CFAP97: variants seen among roughly 807,000 people sequenced by gnomAD.
The protein encoded by CFAP97 is cilia and flagella associated protein 97, also known as cilia- and flagella-associated protein 97.
A neutral mutation model predicts 43.1 loss-of-function variants in CFAP97; 36 were observed. That is an observed-to-expected ratio of 0.84 (90% CI 0.64 to 1.10). The LOEUF is 1.10. Ranked by LOEUF, CFAP97 falls within the 50% of genes least tolerant of loss-of-function variation. The pLI is 0.00. For synonymous variants in CFAP97, 228 were observed against 225.7 expected (o/e 1.01, Z -0.09); for missense variants, 657 against 620.3 (o/e 1.06, Z -0.63).
At chr4:185,187,353 T>C (rs1351922349) in intron 2 of CFAP97, among the ~76,000 whole-genome samples, 1 of 152,062 alleles carries the variant, frequency 6.6e-6, no homozygotes, top group East Asian at 1.9e-4. Context: ...TATTTGGAAA[T>C]TCCAACAAGA....
At chr4:185,186,266 C>T (rs1024911168) in intron 2 of CFAP97, among the ~76,000 whole-genome samples, 1 of 152,080 alleles carries the variant, frequency 6.6e-6, no homozygotes, top group African/African-American at 2.4e-5. Flanking sequence ...AACCCCGTCT[C>T]TACTAAAAAT....
In CFAP97 at chr4:185,161,953, G is replaced by A. The variant is rs1734887681; in HGVS notation, c.*845C>T. 1 of 152,074 alleles carries A rather than the reference G, an allele frequency of 6.6e-6. No individual in the cohort carries two copies. The allele number at this position is 152,074 out of a possible 1,614,324, so 9.4% of individuals were successfully genotyped here. A position where few individuals can be genotyped will look rare whatever the true frequency, so the allele number is the denominator to read the frequency against. On this transcript the variant is annotated 3_prime_UTR_variant, in exon 5 of 5. Transcript: ENST00000458385. ...GACACACCTCAGGATCTGCTTCTCG[G>A]CTCTTCATGCTGATAGTGCCATTTT...
chr4:185,164,783 T>C (rs1735004026), intron 3 of CFAP97, among the ~76,000 whole-genome samples: 1 of 152,238 alleles, frequency 6.6e-6, no homozygotes, highest in South Asian at 2.1e-4. Flanking sequence ...TAAGTTGAAA[T>C]AAAATACACT....
chr4:185,183,515 G>T (rs1287069272), intron 2 of CFAP97, among the ~76,000 whole-genome samples: 1 of 152,214 alleles, frequency 6.6e-6, no homozygotes, highest in Non-Finnish European at 1.5e-5. Context: ...GCACAAGCCT[G>T]GCTCTGCATT....
In CFAP97 at chr4:185,162,469, T is replaced by C. The variant is rs1482353508; in HGVS notation, c.*329A>G. ...TGAAAATAACACAAATTGAAAACTA[T>C]AGTGACCATCTTGGGTACGACATGC... On this transcript the variant is annotated 3_prime_UTR_variant, in exon 5 of 5. Coordinates refer to ENST00000458385, the MANE Select transcript of CFAP97 (RefSeq NM_020827.3). 1 of 289,174 alleles carries C rather than the reference T, an allele frequency of 3.5e-6. No individual in the cohort carries two copies. Among genetic ancestry groups the C allele is most frequent in the Non-Finnish European group, 6.6e-6 (1 of 151,882 alleles). The allele number at this position is 289,174 out of a possible 1,614,324, so 17.9% of individuals were successfully genotyped here.
At chr4:185,203,345 A>G (rs1736996909) in intron 1 of CFAP97, among the ~76,000 whole-genome samples, 1 of 152,230 alleles carries the variant, frequency 6.6e-6, no homozygotes, top group Non-Finnish European at 1.5e-5. Flanking sequence ...TACACAGAAA[A>G]GCACCGGGCA....
rs938432304 is a variant in CFAP97, at chr4:185,169,668, T to C, written c.1321-5489A>G. On this transcript the variant is annotated intron_variant, in intron 3 of 4. Transcript: ENST00000458385. ...GTTTAAACAAATGTAAACAAATAAA[T>C]GTCTTAATGATTTCTGCAGCCGTTA... 31 of 985,406 alleles carry C rather than the reference T, an allele frequency of 3.1e-5. No homozygotes were observed. In the African/African-American group the frequency reaches 5.1e-4, roughly 16 times the overall value. 61.0% of individuals were successfully genotyped at this position (985,406 alleles called of 1,614,324 possible).
At chr4:185,197,960 G>A (rs1308141828) in intron 1 of CFAP97, among the ~76,000 whole-genome samples, 1 of 152,184 alleles carries the variant, frequency 6.6e-6, no homozygotes, top group African/African-American at 2.4e-5. Context: ...GAAAGCGAAA[G>A]AGCCTTACTG....
chr4:185,194,468 G>A (rs773892859), intron 1 of CFAP97, among the ~76,000 whole-genome samples: 6 of 152,162 alleles, frequency 3.9e-5, no homozygotes, highest in Non-Finnish European at 7.3e-5. Context: ...CAGCCTGGGC[G>A]ACAAGAGTGA....
intron 3 of CFAP97, among the ~76,000 whole-genome samples, chr4:185,173,730 T>A (rs1735402416): frequency 6.6e-6 from 1 of 151,922 alleles, no homozygotes; most frequent in Non-Finnish European, 1.5e-5. Flanking sequence ...CCTTAGAGGA[T>A]AGGGGTGGGG....
At position 185,160,287 on chromosome 4, in the gene CFAP97, T is replaced by A. The variant is rs542037966; in HGVS notation, c.*2511A>T. 1 of 152,254 alleles carries A rather than the reference T, an allele frequency of 6.6e-6. No individual in the cohort carries two copies. The highest frequency in any genetic ancestry group is 2.1e-4 in the South Asian group (1 of 4,830). 9.4% of individuals were successfully genotyped at this position (152,254 alleles called of 1,614,324 possible). On this transcript the variant is annotated 3_prime_UTR_variant, in exon 5 of 5. Transcript: ENST00000458385. ...TTTAAAAAATAACTGAACAAGAATC[T>A]GGCCTAATAACCAGACCTCGGATTA...
At chr4:185,179,683 C>T (rs533432414) in intron 2 of CFAP97, among the ~76,000 whole-genome samples, 55 of 152,256 alleles carry the variant, frequency 3.6e-4, no homozygotes, top group African/African-American at 1.1e-3. Flanking sequence ...ACTGTAGTCC[C>T]GGCCACTGAG....
chr4:185,170,188 A>G, intron 3 of CFAP97: 1 of 583,976 alleles, frequency 1.7e-6, no homozygotes, highest in Non-Finnish European at 2.9e-6. Flanking sequence ...TCCACTAAAA[A>G]TACAAAAATT....
intron 1 of CFAP97, 70 bp from the exon 2 acceptor site, chr4:185,191,282 A>G: frequency 9.1e-7 from 1 of 1,103,716 alleles, no homozygotes; most frequent in East Asian, 2.7e-5. Flanking sequence ...TACAATAATT[A>G]AATAATTTTC....
At chr4:185,164,267 TTC>T (rs750941640) in intron 3 of CFAP97, 88 bp from the exon 4 acceptor site, 161 of 1,260,310 alleles carry the variant, frequency 1.3e-4, no homozygotes, top group Non-Finnish European at 1.7e-4. Flanking sequence ...GACATTCACT[TTC>T]TTTCTTTTTT....
At chr4:185,206,235 C>T (rs749513352), upstream of CFAP97, among the ~76,000 whole-genome samples, 8 of 152,070 alleles carry the variant, frequency 5.3e-5, no homozygotes, top group Non-Finnish European at 8.8e-5. Flanking sequence ...AGCCAAAAGG[C>T]GGAAAAAACT....
Position 185,160,675 on chromosome 4 carries a change from G to C in CFAP97, c.*2123C>G, listed in dbSNP as rs1220515012. 6.6e-6 allele frequency: 1 copy of C among 151,612 alleles called. No homozygotes were observed. Among genetic ancestry groups the C allele is most frequent in the East Asian group, 1.9e-4 (1 of 5,192 alleles). 9.4% of individuals were successfully genotyped at this position (151,612 alleles called of 1,614,324 possible). On this transcript the variant is annotated 3_prime_UTR_variant, in exon 5 of 5. Transcript: ENST00000458385. ...ACTTAGATGAACCTCCCCTTTCAAA[G>C]TAGTAAAAACTAAAGCATTAAATTA...
At chr4:185,178,038 T>A (rs1735623202) in intron 2 of CFAP97, among the ~76,000 whole-genome samples, 1 of 151,930 alleles carries the variant, frequency 6.6e-6, no homozygotes, top group Admixed American at 6.6e-5. Context: ...GATTGGTAAT[T>A]TGCTGAAAAG....
At chr4:185,206,937 T>C (rs1211193113), upstream of CFAP97, among the ~76,000 whole-genome samples, 1 of 152,138 alleles carries the variant, frequency 6.6e-6, no homozygotes, top group African/African-American at 2.4e-5. Flanking sequence ...AGGCTGCTAG[T>C]GTAACCTGGA....
Sources: allele counts gnomAD v4.1 joint callset (sites outside exome capture counted in the v4.1 genomes callset), GRCh38; gene constraint gnomAD v4.1.1; transcripts MANE v1.5; gene names NCBI Gene and HGNC (gene_info 2026-07-23, HGNC 2026-07-21).